The following C5orf52 variants were observed in gnomAD, a reference collection of about 807,000 sequenced individuals.
C5orf52 encodes the protein uncharacterized protein C5orf52.
C5orf52 carries 15 observed loss-of-function variants against 16.8 expected under a neutral mutation model. The observed-to-expected ratio is 0.89, with a 90% CI of 0.60 to 1.38. The LOEUF (loss-of-function observed/expected upper bound fraction) is 1.38, where lower values mean the gene tolerates loss of function less well. Ranked by LOEUF, C5orf52 falls within the 40% of genes most tolerant of loss-of-function variation. The pLI, the probability that C5orf52 is intolerant of heterozygous loss-of-function variation, is 0.00. For synonymous variants in C5orf52, 83 were observed against 87.2 expected (o/e 0.95, Z 0.27); for missense variants, 206 against 213.1 (o/e 0.97, Z 0.21).
At chr5:157,675,694 G>T (rs1759880268) in intron 2 of C5orf52, among the ~76,000 whole-genome samples, 1 of 151,974 alleles carries the variant, frequency 6.6e-6, no homozygotes, top group Non-Finnish European at 1.5e-5. Context: ...TGGCAACAGA[G>T]CAAGACTCCA....
In C5orf52 at chr5:157,675,151, G is replaced by A. The variant is rs10051838; in HGVS notation, c.272G>A (p.Arg91Gln). 220,828 of 1,547,774 alleles carry A rather than the reference G, an allele frequency of 0.14. 17,255 individuals are homozygous for A. The highest frequency in any genetic ancestry group is 0.29 in the African/African-American group (21,096 of 72,922). Reference protein sequence around the residue: ...KKTLPKSHLSRVIIHDNRITQ... With the variant: ...KKTLPKSHLSQVIIHDNRITQ... ...ACTTTACCCAAGAGCCATTTATCTC[G>A]GGTGATTATTCATGATAACCGCATC... The change falls in exon 2 of 3, where the codon CGG (arginine) becomes CAG (glutamine). Residue 91 changes from arginine (R) to glutamine (Q), a missense_variant. Coordinates refer to ENST00000409999, the MANE Select transcript of C5orf52 (RefSeq NM_001145132.2).
Position 157,679,885 on chromosome 5 carries a change from T to C in C5orf52, c.366T>C (p.Tyr122=). Residue 122 remains tyrosine (Y), a synonymous_variant, in exon 3 of 3, where the codon TAT becomes TAC. Transcript: ENST00000409999. The stretch of plus-strand genomic sequence containing the variant: ...CCAAGAAAAAGATCAGCCACTACTA[T>C]GAACACCTGAAAAAAAAGTTCATGA... ...EKTKKKISHY[Y]EHLKKKFMTE... is the part of the protein sequence containing the mutation. The C allele has an allele frequency of 6.4e-7, 1 of 1,551,774 alleles. No homozygotes were observed. The highest frequency in any genetic ancestry group is 8.7e-7 in the Non-Finnish European group (1 of 1,147,012).
intron 2 of C5orf52, among the ~76,000 whole-genome samples, chr5:157,679,605 G>C (rs1362364619): frequency 1.3e-5 from 2 of 152,168 alleles, no homozygotes; most frequent in African/African-American, 2.4e-5. Context: ...CCAGAGTGTT[G>C]GGATTACAGG....
Position 157,679,722 on chromosome 5 carries a change from T to A in C5orf52, c.322-119T>A. On this transcript the variant is annotated intron_variant, in intron 2 of 2. Coordinates refer to ENST00000409999, the MANE Select transcript of C5orf52 (RefSeq NM_001145132.2). ...CAAAGTATATGGAATGTACATAGGG[T>A]CCAGCTGACACTTTTCCCACTCCCC... 3.4e-6 allele frequency: 3 copies of A among 894,012 alleles called. No homozygotes were observed. The South Asian group carries it at 5.4e-5, about 16-fold the overall frequency. The allele number at this position is 894,012 out of a possible 1,614,324, so 55.4% of individuals were successfully genotyped here.
intron 2 of C5orf52, among the ~76,000 whole-genome samples, chr5:157,677,594 C>T (rs968599989): frequency 1.4e-5 from 2 of 145,356 alleles, no homozygotes; most frequent in Admixed American, 7.1e-5. Context: ...GCCGAGGTTG[C>T]GATGAGCCAA....
chr5:157,672,228 G>A (rs1193971356), intron 1 of C5orf52, among the ~76,000 whole-genome samples: 2 of 151,898 alleles, frequency 1.3e-5, no homozygotes, highest in African/African-American at 4.8e-5. Context: ...CGTCTCATAC[G>A]CCCCTTCTCA....
chr5:157,676,128 C>G (rs1255730861), intron 2 of C5orf52, among the ~76,000 whole-genome samples: 2 of 152,156 alleles, frequency 1.3e-5, no homozygotes, highest in African/African-American at 4.8e-5. Context: ...GGCTGGAGTG[C>G]AGTGGCGCTA....
rs978699475 is a variant in C5orf52 at position 157,671,740 on chromosome 5, C to G, written c.126C>G (p.Leu42=). Residue 42 remains leucine, a synonymous_variant, in exon 1 of 3, where the codon CTC becomes CTG. Coordinates refer to ENST00000409999, the MANE Select transcript of C5orf52 (RefSeq NM_001145132.2). Reference sequence around the variant, plus strand: ...GTTCGAACTACCAGCGCGATAGACTCGGCCGCCGCCCAGAAATCGGCGTAG... The same window carrying G: ...GTTCGAACTACCAGCGCGATAGACTGGGCCGCCGCCCAGAAATCGGCGTAG... The part of the protein sequence containing the change: ...TSGSNYQRDR[L]GRRPEIGVGG... 6.4e-7 allele frequency: 1 copy of G among 1,551,114 alleles called. No individual in the cohort carries two copies. The highest frequency in any genetic ancestry group is 8.7e-7 in the Non-Finnish European group (1 of 1,146,768).
At chr5:157,673,293 C>T (rs954859282) in intron 1 of C5orf52, among the ~76,000 whole-genome samples, 25 of 151,760 alleles carry the variant, frequency 1.6e-4, no homozygotes, top group African/African-American at 4.8e-4. Context: ...GCGGAGATTG[C>T]GCCACTGCAC....
intron 2 of C5orf52, among the ~76,000 whole-genome samples, chr5:157,677,454 G>A (rs544923844): frequency 3.8e-4 from 58 of 152,152 alleles, no homozygotes; most frequent in Non-Finnish European, 7.2e-4. Context: ...TTGGGAGTTC[G>A]AGACCAGCCT....
intron 2 of C5orf52, among the ~76,000 whole-genome samples, chr5:157,679,520 G>A (rs73309005): frequency 0.017 from 2,608 of 152,116 alleles, 73 homozygotes; most frequent in African/African-American, 0.06. Context: ...TATTTTCAGC[G>A]GAGACAGGGT....
chr5:157,672,052 A>G (rs985537195), intron 1 of C5orf52, among the ~76,000 whole-genome samples: 2 of 148,540 alleles, frequency 1.3e-5, no homozygotes, highest in Non-Finnish European at 3.0e-5. Context: ...TGGAATCCCC[A>G]TCTCCACTGA....
intron 1 of C5orf52, among the ~76,000 whole-genome samples, chr5:157,673,117 C>T (rs988674079): frequency 6.6e-6 from 1 of 151,810 alleles, no homozygotes; most frequent in Non-Finnish European, 1.5e-5. Flanking sequence ...GAGGGTGGAT[C>T]GCCTGAGCTC....
chr5:157,671,399 A>T (rs2113863447), upstream of C5orf52: 3 of 557,070 alleles, frequency 5.4e-6, no homozygotes, highest in East Asian at 9.6e-5. Flanking sequence ...GCGGATGCCG[A>T]GGGACAATAT....
At position 157,675,156 on chromosome 5, in the gene C5orf52, A is replaced by T. The variant is rs1318570824; in HGVS notation, c.277A>T (p.Ile93Phe). ...ACCCAAGAGCCATTTATCTCGGGTG[A>T]TTATTCATGATAACCGCATCACACA... ...TLPKSHLSRV[I>F]IHDNRITQRI... is the part of the protein sequence containing the mutation. Residue 93 changes from isoleucine to phenylalanine, a missense_variant, in exon 2 of 3, where the codon ATT (isoleucine) becomes TTT (phenylalanine). By Grantham distance (21) the Ile-to-Phe change is conservative. Coordinates refer to ENST00000409999, the MANE Select transcript of C5orf52 (RefSeq NM_001145132.2). 6.4e-7 allele frequency: 1 copy of T among 1,551,200 alleles called. No homozygotes were observed. Among genetic ancestry groups the T allele is most frequent in the Non-Finnish European group, 8.7e-7 (1 of 1,146,628 alleles).
chr5:157,678,043 T>C (rs1233712972), intron 2 of C5orf52, among the ~76,000 whole-genome samples: 2 of 152,062 alleles, frequency 1.3e-5, no homozygotes, highest in Non-Finnish European at 2.9e-5. Flanking sequence ...GTAATGGGGC[T>C]GGATCAGAAT....
Position 157,679,865 on chromosome 5 carries a change from A to T in C5orf52, c.346A>T (p.Lys116Ter). The T allele has an allele frequency of 2.6e-6, 4 of 1,551,206 alleles. No homozygotes were observed. Among genetic ancestry groups the T allele is most frequent in the Non-Finnish European group, 3.5e-6 (4 of 1,146,914 alleles). The change falls in exon 3 of 3, where the codon AAA becomes TAA. Residue 116 changes from lysine (K) to a stop codon, truncating the protein, a stop_gained. Coordinates refer to ENST00000409999, the MANE Select transcript of C5orf52 (RefSeq NM_001145132.2). LOFTEE classifies it high-confidence loss of function. ...GGTGAGCGCTTTAGAGAAGACCAAG[A>T]AAAAGATCAGCCACTACTATGAACA... ...MEVSALEKTK[K>*]KISHYYEHLK...
At position 157,673,036 on chromosome 5, in the gene C5orf52, A is replaced by G. The variant is rs569913565; in HGVS notation, c.212+1210A>G. Among the ~76,000 whole-genome samples the G allele has an allele frequency of 2.0e-5, 3 of 151,988 alleles. No homozygotes were observed. The East Asian group carries it at 5.8e-4, about 29-fold the overall frequency. ...TTTTTGTCCTAATTATAAAAGTAGC[A>G]TACACTTATGGATAAATAAGGCCAG... On this transcript the variant is annotated intron_variant, in intron 1 of 2. Coordinates refer to ENST00000409999, the MANE Select transcript of C5orf52 (RefSeq NM_001145132.2).
At chr5:157,675,502 A>G (rs1581416267) in intron 2 of C5orf52, among the ~76,000 whole-genome samples, 2 of 152,222 alleles carry the variant, frequency 1.3e-5, no homozygotes, top group Admixed American at 1.3e-4. Context: ...ATTTTCTCCC[A>G]TACAAAGTCT....
Sources: gnomAD v4.1 joint callset for allele counts (sites outside exome capture counted in the v4.1 genomes callset) on GRCh38, gnomAD v4.1.1 for gene constraint, MANE v1.5 for transcripts, NCBI Gene and HGNC (gene_info 2026-07-23, HGNC 2026-07-21) for gene names.